Variants in FGF14 observed in about 807,000 individuals in gnomAD.
The protein encoded by FGF14 is fibroblast growth factor 14.
A neutral mutation model predicts 25.5 loss-of-function variants in FGF14; 5 were observed. The observed-to-expected ratio is 0.20, with a 90% CI of 0.10 to 0.41. FGF14 has a LOEUF of 0.41. FGF14 is among the 10% of genes least tolerant of loss of function. The probability of loss-of-function intolerance (pLI) is 1.00; values close to 1 mark genes in which losing one functional copy is unlikely to be tolerated. For missense variants in FGF14, 222 were observed against 320.1 expected (o/e 0.69, Z 2.34); for synonymous variants, 138 against 118.3 (o/e 1.17, Z -1.08).
chr13:102,169,827 T>C (rs2048173867), intron 1 of FGF14, among the ~76,000 whole-genome samples: 2 of 152,050 alleles, frequency 1.3e-5, no homozygotes, highest in Non-Finnish European at 2.9e-5. Flanking sequence ...GTTCTATAGC[T>C]ACACCACCCA....
At chr13:102,258,094 A>G (rs1014633381) in intron 1 of FGF14, among the ~76,000 whole-genome samples, 1 of 152,174 alleles carries the variant, frequency 6.6e-6, no homozygotes, top group African/African-American at 2.4e-5. Context: ...ATGAGAGCCA[A>G]ACGAAAGGGG....
At chr13:102,121,445 A>T (rs1305261494) in intron 1 of FGF14, among the ~76,000 whole-genome samples, 2 of 152,170 alleles carry the variant, frequency 1.3e-5, no homozygotes, top group Admixed American at 6.5e-5. Context: ...TGAATAAAAA[A>T]ATCTATTTGA....
At chr13:101,881,054 C>A (rs1328851538) in intron 1 of FGF14, among the ~76,000 whole-genome samples, 1 of 152,120 alleles carries the variant, frequency 6.6e-6, no homozygotes, top group African/African-American at 2.4e-5. Flanking sequence ...TGGGCAAAGA[C>A]TTTTTCTAGG....
intron 1 of FGF14, among the ~76,000 whole-genome samples, chr13:102,262,774 T>C (rs1056122270): frequency 1.3e-5 from 2 of 152,230 alleles, no homozygotes; most frequent in African/African-American, 2.4e-5. Flanking sequence ...CCTTATTTTA[T>C]TGCTTTTATT....
intron 1 of FGF14, among the ~76,000 whole-genome samples, chr13:102,031,884 T>C (rs570289085): frequency 6.6e-6 from 1 of 152,090 alleles, no homozygotes; most frequent in South Asian, 2.1e-4. Flanking sequence ...ATAATGGTGA[T>C]GAGATTTCTT....
intron 1 of FGF14, among the ~76,000 whole-genome samples, chr13:102,020,663 G>A (rs1418833569): frequency 1.3e-5 from 2 of 152,114 alleles, no homozygotes; most frequent in Non-Finnish European, 2.9e-5. Context: ...AGGATTTTGG[G>A]TAGTGCTAAG....
intron 1 of FGF14, among the ~76,000 whole-genome samples, chr13:101,946,772 A>G (rs2476216): frequency 3.9e-5 from 6 of 152,040 alleles, no homozygotes; most frequent in African/African-American, 1.2e-4. Flanking sequence ...CTAGGTCACA[A>G]GGCTGATGTT....
intron 1 of FGF14, among the ~76,000 whole-genome samples, chr13:102,378,498 G>A (rs1010436737): frequency 7.2e-5 from 11 of 151,840 alleles, no homozygotes; most frequent in African/African-American, 1.9e-4. Flanking sequence ...GAGAACGAAG[G>A]AAAGAAACTA....
chr13:101,867,472 T>C (rs1409081397), intron 3 of FGF14, among the ~76,000 whole-genome samples: 4 of 152,160 alleles, frequency 2.6e-5, no homozygotes, highest in Non-Finnish European at 5.9e-5. Flanking sequence ...CTGCATCTAA[T>C]GATGTTTAGG....
At chr13:102,334,783 G>A (rs557575151) in intron 1 of FGF14, among the ~76,000 whole-genome samples, 1 of 152,242 alleles carries the variant, frequency 6.6e-6, no homozygotes, top group Admixed American at 6.5e-5. Context: ...TGCATTTTTA[G>A]TTATCCTTGA....
At chr13:102,287,866 C>T (rs1236380496) in intron 1 of FGF14, among the ~76,000 whole-genome samples, 3 of 152,298 alleles carry the variant, frequency 2.0e-5, no homozygotes, top group South Asian at 2.1e-4. Context: ...ACTCTCTAAT[C>T]GTCTTCTTAT....
At chr13:102,317,008 C>CT (rs1296804320) in intron 1 of FGF14, among the ~76,000 whole-genome samples, 1 of 152,028 alleles carries the variant, frequency 6.6e-6, no homozygotes, top group Non-Finnish European at 1.5e-5. Context: ...CATTTTCCAT[C>CT]TTTTTTTGGG....
At chr13:102,038,209 A>G (rs2041566209) in intron 1 of FGF14, among the ~76,000 whole-genome samples, 1 of 152,194 alleles carries the variant, frequency 6.6e-6, no homozygotes, top group South Asian at 2.1e-4. Context: ...ATGGGTTTGG[A>G]TCAACCACCA....
intron 3 of FGF14, among the ~76,000 whole-genome samples, chr13:101,823,301 G>A (rs188009062): frequency 5.3e-5 from 8 of 150,704 alleles, no homozygotes; most frequent in Admixed American, 1.3e-4. Flanking sequence ...GCTGTTCTTC[G>A]TGCTATTATT....
intron 1 of FGF14, among the ~76,000 whole-genome samples, chr13:102,356,489 T>C (rs2057420609): frequency 6.6e-6 from 1 of 152,206 alleles, no homozygotes; most frequent in Admixed American, 6.5e-5. Flanking sequence ...GTCAACCACA[T>C]AGAGTACATT....
chr13:102,033,563 G>A (rs1203167542), intron 1 of FGF14, among the ~76,000 whole-genome samples: 2 of 151,980 alleles, frequency 1.3e-5, no homozygotes, highest in East Asian at 1.9e-4. Context: ...AGACTTAAAA[G>A]GCTTATACTC....
chr13:102,167,336 G>T (rs1010024495), intron 1 of FGF14, among the ~76,000 whole-genome samples: 1 of 119,902 alleles, frequency 8.3e-6, no homozygotes, highest in Non-Finnish European at 1.7e-5. Context: ...AAAAAAAAAG[G>T]AAATTGTTAC....
intron 1 of FGF14, among the ~76,000 whole-genome samples, chr13:102,053,061 C>A (rs566660560): frequency 9.2e-5 from 14 of 151,972 alleles, no homozygotes; most frequent in African/African-American, 2.9e-4. Context: ...ATAGTAGATG[C>A]ACAAAAGATA....
chr13:102,140,474 T>A (rs1023689062), intron 1 of FGF14, among the ~76,000 whole-genome samples: 1 of 152,156 alleles, frequency 6.6e-6, no homozygotes, highest in Non-Finnish European at 1.5e-5. Context: ...ACAAAGTGTA[T>A]CATTCCATTA....
Sources: gnomAD v4.1 joint callset for allele counts (sites outside exome capture counted in the v4.1 genomes callset) on GRCh38, gnomAD v4.1.1 for gene constraint, MANE v1.5 for transcripts, NCBI Gene and HGNC (gene_info 2026-07-23, HGNC 2026-07-21) for gene names.